The following GRXCR2 variants were observed in gnomAD, a reference collection of about 807,000 sequenced individuals.
GRXCR2 encodes glutaredoxin domain-containing cysteine-rich protein 2.
A neutral mutation model predicts 24.8 loss-of-function variants in GRXCR2; 23 were observed. The observed-to-expected ratio is 0.93, with a 90% CI of 0.67 to 1.32. The LOEUF (loss-of-function observed/expected upper bound fraction) is 1.32, where lower values mean the gene tolerates loss of function less well. GRXCR2 is among the 40% of genes most tolerant of loss of function. GRXCR2 has a pLI of 0.00. For missense variants in GRXCR2, 315 were observed against 303.4 expected (o/e 1.04, Z -0.28); for synonymous variants, 130 against 116.1 (o/e 1.12, Z -0.77).
chr5:145,885,638 G>A (rs571703732), intron 2 of GRXCR2, among the ~76,000 whole-genome samples: 11 of 152,322 alleles, frequency 7.2e-5, no homozygotes, highest in Admixed American at 3.3e-4. Flanking sequence ...TTTCTTTACT[G>A]CAGGACTTCT....
chr5:145,860,409 T>C (rs2149907535), intron 2 of GRXCR2, among the ~76,000 whole-genome samples: 1 of 152,246 alleles, frequency 6.6e-6, no homozygotes, highest in East Asian at 1.9e-4. Flanking sequence ...TGAGAAGTTG[T>C]TTGCCAATGG....
chr5:145,875,840 C>T (rs867725398), upstream of GRXCR2, among the ~76,000 whole-genome samples: 33 of 152,236 alleles, frequency 2.2e-4, no homozygotes, highest in Middle Eastern at 6.8e-3. Context: ...CCCAGGACTA[C>T]ATTAGCCTTA....
At chr5:145,888,449 G>C (rs1387131567) in intron 2 of GRXCR2, among the ~76,000 whole-genome samples, 1 of 152,118 alleles carries the variant, frequency 6.6e-6, no homozygotes, top group Non-Finnish European at 1.5e-5. Flanking sequence ...ACTGGTCAGA[G>C]ACCCCCGATC....
At chr5:145,924,462 T>C (rs1174784945) in intron 2 of GRXCR2, among the ~76,000 whole-genome samples, 1 of 152,158 alleles carries the variant, frequency 6.6e-6, no homozygotes, top group Non-Finnish European at 1.5e-5. Flanking sequence ...TTATCTCCCT[T>C]TGTGTTTCTT....
At chr5:145,892,953 C>A (rs1174301208) in intron 2 of GRXCR2, among the ~76,000 whole-genome samples, 2 of 152,164 alleles carry the variant, frequency 1.3e-5, no homozygotes, top group South Asian at 4.1e-4. Flanking sequence ...ACTCTACAAG[C>A]CAGAAGAGAG....
intron 2 of GRXCR2, among the ~76,000 whole-genome samples, chr5:145,919,554 G>A (rs571923909): frequency 2.6e-5 from 4 of 152,246 alleles, no homozygotes; most frequent in Non-Finnish European, 4.4e-5. Flanking sequence ...GGTATTTCTC[G>A]CGAATCAATT....
chr5:145,920,821 C>A (rs1448399373), intron 2 of GRXCR2, among the ~76,000 whole-genome samples: 1 of 152,204 alleles, frequency 6.6e-6, no homozygotes, highest in Non-Finnish European at 1.5e-5. Flanking sequence ...GAGGCAGGGC[C>A]TTTGGGAAGC....
intron 2 of GRXCR2, among the ~76,000 whole-genome samples, chr5:145,920,887 C>T (rs1040420516): frequency 2.6e-5 from 4 of 152,244 alleles, no homozygotes; most frequent in Non-Finnish European, 5.9e-5. Context: ...AACCCTTCAC[C>T]TTTCTCATCA....
chr5:145,908,856 T>C (rs918395812), intron 2 of GRXCR2, among the ~76,000 whole-genome samples: 1 of 152,128 alleles, frequency 6.6e-6, no homozygotes. Context: ...ATGACAGAGC[T>C]AAAAGCATTG....
intron 2 of GRXCR2, among the ~76,000 whole-genome samples, chr5:145,921,501 C>A (rs1757320469): frequency 6.6e-6 from 1 of 152,130 alleles, no homozygotes; most frequent in African/African-American, 2.4e-5. Flanking sequence ...TAAAGGAAGA[C>A]AAGTTCTTAC....
rs186769682 is a variant in GRXCR2, at chr5:145,882,445, G to A, written c.-69-15717C>T. ...ATGCTCATCATCACTGGTCATCGGA[G>A]AAATGCAAATCAAAACCACAATGAG... On this transcript the variant is annotated intron_variant, in intron 2 of 3. Coordinates refer to the GRXCR2 transcript ENST00000639411. 2.9e-3 allele frequency among the ~76,000 whole-genome samples: 437 copies of A among 152,290 alleles called. 3 individuals are homozygous for A. The highest frequency in any genetic ancestry group is 0.01 in the African/African-American group (428 of 41,560).
upstream of GRXCR2, among the ~76,000 whole-genome samples, chr5:145,873,512 T>C (rs1756566553): frequency 6.6e-6 from 1 of 152,250 alleles, no homozygotes; most frequent in Admixed American, 6.5e-5. Context: ...TCATCATTTG[T>C]CTGCTCTATT....
chr5:145,897,243 TTTGTTACA>T (rs1554105852), intron 2 of GRXCR2, among the ~76,000 whole-genome samples: 3,243 of 121,230 alleles, frequency 0.027, 45 homozygotes, highest in South Asian at 0.065. Flanking sequence ...AAACCTGTTG[TTTGTTACA>T]TACATACATA....
intron 2 of GRXCR2, among the ~76,000 whole-genome samples, chr5:145,863,149 C>A (rs902594662): frequency 5.7e-4 from 87 of 152,308 alleles, no homozygotes; most frequent in African/African-American, 2.0e-3. Flanking sequence ...CAAACCTGGC[C>A]GGGCTTTCAG....
intron 2 of GRXCR2, among the ~76,000 whole-genome samples, chr5:145,915,316 C>T (rs909621190): frequency 1.3e-5 from 2 of 152,024 alleles, no homozygotes; most frequent in Admixed American, 6.5e-5. Flanking sequence ...TTTTGCAAAC[C>T]CTTCTAGTTA....
chr5:145,880,884 T>C (rs950751954), intron 2 of GRXCR2, among the ~76,000 whole-genome samples: 1 of 152,106 alleles, frequency 6.6e-6, no homozygotes, highest in Non-Finnish European at 1.5e-5. Context: ...CATATGCAAA[T>C]CAATAAATGT....
intron 2 of GRXCR2, among the ~76,000 whole-genome samples, chr5:145,918,350 G>C (rs958360658): frequency 6.6e-6 from 1 of 152,202 alleles, no homozygotes; most frequent in Admixed American, 6.5e-5. Flanking sequence ...AAATAGCTGG[G>C]AGGTGAACGG....
intron 1 of GRXCR2, among the ~76,000 whole-genome samples, chr5:145,867,367 AC>A (rs2149910197): frequency 6.6e-6 from 1 of 152,256 alleles, no homozygotes; most frequent in Non-Finnish European, 1.5e-5. Flanking sequence ...CCATATTTTT[AC>A]CACCTATATC....
intron 2 of GRXCR2, among the ~76,000 whole-genome samples, chr5:145,926,937 C>T (rs927649301): frequency 4.5e-4 from 68 of 152,096 alleles, no homozygotes; most frequent in African/African-American, 1.6e-3. Flanking sequence ...TTGAAGAGGT[C>T]CTTCACATCC....
Sources: gnomAD v4.1 joint callset for allele counts (sites outside exome capture counted in the v4.1 genomes callset) on GRCh38, gnomAD v4.1.1 for gene constraint, MANE v1.5 for transcripts, NCBI Gene and HGNC (gene_info 2026-07-23, HGNC 2026-07-21) for gene names.